The following DSG4 variants were observed in gnomAD, a reference collection of about 807,000 sequenced individuals.
DSG4 encodes the protein desmoglein-4.
DSG4 carries 87 observed loss-of-function variants against 93.1 expected under a neutral mutation model. That is an observed-to-expected ratio of 0.93 (90% confidence interval 0.79 to 1.12). The LOEUF is 1.12. DSG4 is among the 50% of genes most tolerant of loss of function. DSG4 has a pLI of 0.00. For missense variants in DSG4, 1,373 were observed against 1,285.7 expected (o/e 1.07, Z -1.04); for synonymous variants, 432 against 452.9 (o/e 0.95, Z 0.59).
At position 31,392,134 on chromosome 18, in the gene DSG4, A is replaced by G. The variant is rs773768944; in HGVS notation, c.820-21A>G. On this transcript the variant is annotated intron_variant, in intron 7 of 15. Transcript: ENST00000308128. Reference sequence around the variant, plus strand: ...TTCTTTTGAAAATTCATTGACTACAAAATTGATCCTTGCATTTTAGTACTC... The same window carrying G: ...TTCTTTTGAAAATTCATTGACTACAGAATTGATCCTTGCATTTTAGTACTC... The G allele has an allele frequency of 1.0e-4, 165 of 1,612,680 alleles. No individual in the cohort carries two copies. The Middle Eastern group carries it at 1.2e-3, about 11-fold the overall frequency.
intron 6 of DSG4, 38 bp downstream of exon 6, chr18:31,390,860 C>A (rs1402633627): frequency 5.6e-6 from 9 of 1,600,056 alleles, no homozygotes; most frequent in Middle Eastern, 3.3e-4. Flanking sequence ...CTAAAAAATT[C>A]AATTTTGAAA....
chr18:31,381,251 C>T (rs1598733344), intron 1 of DSG4, among the ~76,000 whole-genome samples: 3 of 152,228 alleles, frequency 2.0e-5, no homozygotes, highest in East Asian at 1.9e-4. Flanking sequence ...CATATTGAGA[C>T]GAGGTATTGG....
intron 12 of DSG4, among the ~76,000 whole-genome samples, chr18:31,408,674 C>T (rs571414487): frequency 4.6e-5 from 7 of 152,172 alleles, no homozygotes; most frequent in Non-Finnish European, 1.0e-4. Flanking sequence ...TCCCCTCAAG[C>T]ATTTATCCTT....
chr18:31,399,324 A>G lies in DSG4; in HGVS notation c.1058A>G (p.Asn353Ser). ...PNIQLSIGVK[N>S]QADFHYSVAS... ...ATTCAGCTTAGTATCGGAGTTAAAA[A>G]CCAAGCTGATTTTCACTACTCCGTT... Residue 353 changes from asparagine (N) to serine (S), a missense_variant, in exon 9 of 16, where the codon AAC (asparagine) becomes AGC (serine). Asn to Ser is a conservative substitution (Grantham distance 46). Coordinates refer to ENST00000308128, the MANE Select transcript of DSG4 (RefSeq NM_177986.5). 2 of 1,614,050 alleles carry G rather than the reference A, an allele frequency of 1.2e-6. No homozygotes were observed. The highest frequency in any genetic ancestry group is 1.1e-5 in the South Asian group (1 of 91,082).
chr18:31,400,713 T>C (rs2072355385), intron 9 of DSG4, among the ~76,000 whole-genome samples, 168 bp from the exon 10 acceptor site: 1 of 152,198 alleles, frequency 6.6e-6, no homozygotes, highest in African/African-American at 2.4e-5. Context: ...TTAATGTATA[T>C]ATCATTGAAT....
chr18:31,412,708 A>T lies in DSG4; in HGVS notation c.2356-120A>T, dbSNP rs1441704149. 3.0e-6 allele frequency: 3 copies of T among 996,846 alleles called. No individual in the cohort carries two copies. The African/African-American group carries it at 4.9e-5, about 16-fold the overall frequency. 61.8% of individuals were successfully genotyped at this position (996,846 alleles called of 1,614,324 possible). On this transcript the variant is annotated intron_variant, in intron 15 of 15. Transcript: ENST00000308128. ...TCAATTATTTTAATGAGTGATTGAT[A>T]CCATTATTCAGTTTATTCCGTAACA... is the stretch of plus-strand genomic sequence containing the variant.
chr18:31,409,436 T>C lies in DSG4; in HGVS notation c.1934-16T>C. The C allele has an allele frequency of 1.2e-6, 2 of 1,614,092 alleles. No individual in the cohort carries two copies. Among genetic ancestry groups the C allele is most frequent in the Non-Finnish European group, 1.7e-6 (2 of 1,180,024 alleles). ...AGCAATGTGTGTTAACTCGACATTG[T>C]CACTTTCTTGGGCAGTGGCTCCACT... On this transcript the variant is annotated splice_polypyrimidine_tract_variant and intron_variant, in intron 12 of 15. Transcript: ENST00000308128.
At chr18:31,389,607 T>C (rs1339040878) in intron 5 of DSG4, among the ~76,000 whole-genome samples, 2 of 152,060 alleles carry the variant, frequency 1.3e-5, no homozygotes, top group African/African-American at 4.8e-5. Context: ...TCTTATGCTT[T>C]TCTTATATGG....
chr18:31,406,080 C>T lies in DSG4; in HGVS notation c.1640C>T (p.Thr547Ile). The T allele has an allele frequency of 1.2e-6, 2 of 1,614,016 alleles. No homozygotes were observed. The highest frequency in any genetic ancestry group is 1.7e-6 in the Non-Finnish European group (2 of 1,180,026). Residue 547 changes from threonine to isoleucine, a missense_variant, in exon 12 of 16, where the codon ACC becomes ATC. Transcript: ENST00000308128. ...DMWDVRSTNATSAILTAKQVL... is the reference protein window; with the variant it reads ...DMWDVRSTNAISAILTAKQVL... ...TGTTTCCTCTCTTCCATTTCAGCTACCTCGGCAATCCTTACGGCTAAGCAG... is the reference window on the plus strand; with the variant it reads ...TGTTTCCTCTCTTCCATTTCAGCTATCTCGGCAATCCTTACGGCTAAGCAG...
chr18:31,378,730 C>T (rs1442221635), intron 1 of DSG4, among the ~76,000 whole-genome samples: 1 of 151,990 alleles, frequency 6.6e-6, no homozygotes, highest in Non-Finnish European at 1.5e-5. Flanking sequence ...GATCCCTTAC[C>T]ATATCAATTA....
intron 11 of DSG4, among the ~76,000 whole-genome samples, chr18:31,404,992 TGG>T (rs1452163087): frequency 2.6e-5 from 4 of 152,228 alleles, no homozygotes. Context: ...CAATGCTTGC[TGG>T]TGTTTTAGAA....
chr18:31,406,025 T>C lies in DSG4; in HGVS notation c.1637-52T>C, dbSNP rs115515897. 5,065 of 1,609,296 alleles carry C rather than the reference T, an allele frequency of 3.1e-3. 162 individuals carry two copies. The African/African-American group carries it at 0.062, about 20-fold the overall frequency. ...TATTAGGGAGAGTTAACCACCCCCC[T>C]AGCCCACCAAGGAATTTCCATTTAT... On this transcript the variant is annotated intron_variant, in intron 11 of 15. Coordinates refer to ENST00000308128, the MANE Select transcript of DSG4 (RefSeq NM_177986.5).
chr18:31,406,543 A>G (rs2072429624), intron 12 of DSG4, among the ~76,000 whole-genome samples, 170 bp downstream of exon 12: 1 of 152,204 alleles, frequency 6.6e-6, no homozygotes, highest in Non-Finnish European at 1.5e-5. Context: ...CTTAATCCAC[A>G]ATGATAACTA....
At chr18:31,404,682 T>C (rs1043832837) in intron 11 of DSG4, among the ~76,000 whole-genome samples, 1 of 152,242 alleles carries the variant, frequency 6.6e-6, no homozygotes, top group African/African-American at 2.4e-5. Flanking sequence ...AATTTGTTTT[T>C]ACCATCAAAC....
chr18:31,381,827 ATT>A (rs35928619), intron 1 of DSG4, among the ~76,000 whole-genome samples: 2 of 140,434 alleles, frequency 1.4e-5, no homozygotes, highest in African/African-American at 2.6e-5. Flanking sequence ...CGCCCAGCTA[ATT>A]TTTTTTTTTT....
intron 1 of DSG4, 92 bp from the exon 2 acceptor site, chr18:31,385,044 A>C: frequency 2.7e-6 from 3 of 1,093,470 alleles, no homozygotes; most frequent in Non-Finnish European, 4.2e-6. Flanking sequence ...TTTAAAAATG[A>C]ATTAATAAAA....
rs149127835 is a variant in DSG4 at position 31,406,597 on chromosome 18, T to A, written c.1933+224T>A. Among the ~76,000 whole-genome samples, 524 of 152,154 alleles carry A rather than the reference T, an allele frequency of 3.4e-3. 3 individuals are homozygous for A. Among genetic ancestry groups the A allele is most frequent in the African/African-American group, 0.012 (504 of 41,520 alleles). ...GACAGTCCTAAAAATGGGAAACACA[T>A]GCAAATCACTACATATACTACCTAA... is the stretch of plus-strand genomic sequence containing the variant. On this transcript the variant is annotated intron_variant, in intron 12 of 15. Coordinates refer to ENST00000308128, the MANE Select transcript of DSG4 (RefSeq NM_177986.5).
chr18:31,413,156 C>A lies in DSG4; in HGVS notation c.2684C>A (p.Ala895Glu), dbSNP rs1401384573. Residue 895 changes from alanine to glutamate, a missense_variant, in exon 16 of 16, where the codon GCA becomes GAA. By Grantham distance (107) the Ala-to-Glu change is moderately radical (BLOSUM62 -1). Transcript: ENST00000308128. ...GAAGTTGAATTCCAAGAAGAAATGG[C>A]AGCATCTGAACCCGTGGTCCATGGG... ...PSEVEFQEEM[A>E]ASEPVVHGDI... 6.2e-7 allele frequency: 1 copy of A among 1,614,112 alleles called. No individual in the cohort carries two copies. The highest frequency in any genetic ancestry group is 1.1e-5 in the South Asian group (1 of 91,080).
Position 31,394,814 on chromosome 18 carries a change from A to G in DSG4, c.1005+2474A>G, listed in dbSNP as rs534847927. On this transcript the variant is annotated intron_variant, in intron 8 of 15. Coordinates refer to ENST00000308128, the MANE Select transcript of DSG4 (RefSeq NM_177986.5). ...TCAAGTTTTTCTTCCAGGGATCAGAATTTGTTAAACCTTGCATCCTGGTTA... is the reference window on the plus strand; with the variant it reads ...TCAAGTTTTTCTTCCAGGGATCAGAGTTTGTTAAACCTTGCATCCTGGTTA... Among the ~76,000 whole-genome samples the G allele has an allele frequency of 3.3e-5, 5 of 152,294 alleles. No homozygotes were observed. The East Asian group carries it at 9.6e-4, about 29-fold the overall frequency.
Sources: allele counts gnomAD v4.1 joint callset (sites outside exome capture counted in the v4.1 genomes callset), GRCh38; gene constraint gnomAD v4.1.1; transcripts MANE v1.5; gene names NCBI Gene and HGNC (gene_info 2026-07-23, HGNC 2026-07-21).